EPS8L3: variants seen among roughly 807,000 people sequenced by gnomAD.
The protein encoded by EPS8L3 is epidermal growth factor receptor kinase substrate 8-like protein 3.
Under a neutral mutation model 88.5 loss-of-function variants are expected in EPS8L3, and 80 were observed. The observed-to-expected ratio is 0.90, with a 90% CI of 0.75 to 1.09. EPS8L3 has a LOEUF of 1.09. Ranked by LOEUF, EPS8L3 falls within the 50% of genes least tolerant of loss-of-function variation. EPS8L3 has a pLI of 0.00. For synonymous variants in EPS8L3, 286 were observed against 291.0 expected (o/e 0.98, Z 0.18); for missense variants, 721 against 735.2 (o/e 0.98, Z 0.22).
chr1:109,751,600 C>T (rs1454464127), intron 16 of EPS8L3, 54 bp downstream of exon 16: 2 of 1,612,032 alleles, frequency 1.2e-6, no homozygotes, highest in East Asian at 2.2e-5. Flanking sequence ...ATCCTCCCCA[C>T]CCCGACCTCC....
intron 16 of EPS8L3, 89 bp downstream of exon 16, chr1:109,751,565 G>A (rs1316449778): frequency 2.1e-5 from 33 of 1,583,994 alleles, no homozygotes; most frequent in Middle Eastern, 1.7e-4. Flanking sequence ...ATCAAACCAA[G>A]ACTATCTCCT....
Position 109,759,578 on chromosome 1 carries a change from A to G in EPS8L3, c.255+100T>C. On this transcript the variant is annotated intron_variant, in intron 4 of 18. Transcript: ENST00000361965. The surrounding 1 kb of genome is among the most constrained non-coding windows in gnomAD (Gnocchi z 4.2). ...TTGGGTGTGTGTTGTATGTGGGGAG[A>G]GTGGCTGCCCTTTGGGGCATGGAGG... is the stretch of plus-strand genomic sequence containing the variant. 6.7e-7 allele frequency: 1 copy of G among 1,495,704 alleles called. No individual in the cohort carries two copies. The allele number at this position is 1,495,704 out of a possible 1,614,324, so 92.7% of individuals were successfully genotyped here.
At chr1:109,752,983 T>C in intron 13 of EPS8L3, 134 bp downstream of exon 13, 1 of 808,242 alleles carries the variant, frequency 1.2e-6, no homozygotes, top group South Asian at 1.7e-5. Flanking sequence ...GTGGTGACTT[T>C]TGGGTTTCCA....
chr1:109,759,617 G>A lies in EPS8L3; in HGVS notation c.255+61C>T, dbSNP rs891055979. ...GGGGCATGGAGGGTGGAGTTCAAGA[G>A]CTAGTGCTTGCTTCCCCACAGCCCA... On this transcript the variant is annotated intron_variant, in intron 4 of 18. Transcript: ENST00000361965. This position sits in a 1 kb window ranked among gnomAD's most constrained non-coding sequence, Gnocchi z 4.2. 88 of 1,579,506 alleles carry A rather than the reference G, an allele frequency of 5.6e-5. No homozygotes were observed. The highest frequency in any genetic ancestry group is 7.1e-5 in the Non-Finnish European group (83 of 1,164,014).
At position 109,759,316 on chromosome 1, in the gene EPS8L3, G is replaced by A. The variant is rs1230984109; in HGVS notation, c.327C>T (p.Asn109=). 2 of 1,614,212 alleles carry A rather than the reference G, an allele frequency of 1.2e-6. No homozygotes were observed. Among genetic ancestry groups the A allele is most frequent in the Non-Finnish European group, 1.7e-6 (2 of 1,180,044 alleles). The change falls in exon 5 of 19, where the codon AAC becomes AAT. Residue 109 remains asparagine, a synonymous_variant. Coordinates refer to ENST00000361965, the MANE Select transcript of EPS8L3 (RefSeq NM_133181.4). The surrounding 1 kb of genome is among the most constrained non-coding windows in gnomAD (Gnocchi z 4.2). ...CCTGCACGGTGATGGACAGGATGGA[G>A]TTGTAGGAACATGTGTTGAGCGCCA... is the stretch of plus-strand genomic sequence containing the variant. ...MNVALNTCSY[N]SILSITVQEP...
In EPS8L3 at chr1:109,751,700, G is replaced by A. The variant is rs763733204; in HGVS notation, c.1517C>T (p.Pro506Leu). The change falls in exon 16 of 19, where the codon CCC becomes CTC. Residue 506 changes from proline (P) to leucine (L), a missense_variant. Physicochemically the swap from Pro to Leu is moderately conservative, Grantham distance 98. Transcript: ENST00000361965. The stretch of plus-strand genomic sequence containing the variant: ...GGTCCCAGGGGTCCCCGGCTGTAGG[G>A]GCTCCAGGATGTTGCTTGGAATGTA... The part of the protein sequence containing the change: ...SGYIPSNILE[P>L]LQPGTPGTQG... 5.6e-6 allele frequency: 9 copies of A among 1,613,926 alleles called. No individual in the cohort carries two copies. The South Asian group carries it at 7.7e-5, about 14-fold the overall frequency.
chr1:109,757,419 C>G (rs1650392604), intron 11 of EPS8L3, 62 bp downstream of exon 11: 1 of 1,507,746 alleles, frequency 6.6e-7, no homozygotes, highest in South Asian at 1.1e-5. Context: ...CTCCTTTCCT[C>G]TCTCTACTCC....
Position 109,759,068 on chromosome 1 carries a change from T to C in EPS8L3, c.455A>G (p.Glu152Gly), listed in dbSNP as rs1650610532. The C allele has an allele frequency of 6.2e-7, 1 of 1,604,300 alleles. No individual in the cohort carries two copies. The highest frequency in any genetic ancestry group is 1.7e-5 in the Admixed American group (1 of 58,580). ...SLQKALEEEL[E>G]QRPRLGGLQP... ...CTGGGCAGAGGCTGCCTACCTTTGC[T>C]CCAGCTCTTCCTCCAGAGCCTTCTG... The change falls in exon 6 of 19, where the codon GAG becomes GGG. Residue 152 changes from glutamate to glycine, a missense_variant. Transcript: ENST00000361965. This position sits in a 1 kb window ranked among gnomAD's most constrained non-coding sequence, Gnocchi z 4.2.
At chr1:109,755,814 T>G (rs1016689264) in intron 12 of EPS8L3, among the ~76,000 whole-genome samples, 3 of 152,196 alleles carry the variant, frequency 2.0e-5, no homozygotes, top group African/African-American at 7.2e-5. Flanking sequence ...GAGCGAGACC[T>G]TGTCTCAAAC....
rs1323085582 is a variant in EPS8L3, at chr1:109,758,004, T to C, written c.772A>G (p.Lys258Glu). 1.2e-6 allele frequency: 2 copies of C among 1,614,066 alleles called. No homozygotes were observed. Among genetic ancestry groups the C allele is most frequent in the African/African-American group, 2.7e-5 (2 of 74,928 alleles). Reference sequence around the variant, plus strand: ...TTCCTGCTGGTCTTTGCCTGGGCCTTCTCCAGCTTTCCCATGAACAGCTCA... The same window carrying C: ...TTCCTGCTGGTCTTTGCCTGGGCCTCCTCCAGCTTTCCCATGAACAGCTCA... Reference protein sequence around the residue: ...DIELFMGKLEKAQAKTSRKKK... With the variant: ...DIELFMGKLEEAQAKTSRKKK... The change falls in exon 9 of 19, where the codon AAG becomes GAG. Residue 258 changes from lysine to glutamate, a missense_variant. Physicochemically the swap from Lys to Glu is moderately conservative, Grantham distance 56. Transcript: ENST00000361965.
In EPS8L3 at chr1:109,763,538, C is replaced by T. The variant is rs930400034; in HGVS notation, c.-25+284G>A. Among the ~76,000 whole-genome samples, 7 of 152,156 alleles carry T rather than the reference C, an allele frequency of 4.6e-5. No individual in the cohort carries two copies. In the South Asian group the frequency reaches 8.3e-4, roughly 18 times the overall value. ...GGGGAGCTGTGACAGCCCATTTCCC[C>T]CCTTTAAGCCCTAGATGTAGGGGTT... On this transcript the variant is annotated intron_variant, in intron 1 of 18. Coordinates refer to ENST00000361965, the MANE Select transcript of EPS8L3 (RefSeq NM_133181.4).
intron 3 of EPS8L3, 141 bp downstream of exon 3, chr1:109,761,354 G>C (rs939085846): frequency 4.3e-6 from 3 of 704,588 alleles, no homozygotes; most frequent in Non-Finnish European, 7.2e-6. Flanking sequence ...TTGGATCTGA[G>C]TCCATGCGAC....
rs369128979 is a variant in EPS8L3, at chr1:109,751,307, G to A, written c.1608C>T (p.Asp536=). 9.9e-6 allele frequency: 16 copies of A among 1,613,990 alleles called. No individual in the cohort carries two copies. In the African/African-American group the frequency reaches 1.9e-4, roughly 19 times the overall value. The change falls in exon 17 of 19, where the codon GAC becomes GAT. Residue 536 remains aspartate, a synonymous_variant. Transcript: ENST00000361965. ...TGGAGAAGTTCTCTGCCTGCAGCCAGTCTGTGACCTCTTCAGGCCTCGAGC... is the reference window on the plus strand; with the variant it reads ...TGGAGAAGTTCTCTGCCTGCAGCCAATCTGTGACCTCTTCAGGCCTCGAGC... ...RLSSRPEEVT[D]WLQAENFSTA... is the part of the protein sequence containing the mutation.
intron 8 of EPS8L3, 59 bp downstream of exon 8, chr1:109,758,257 T>G: frequency 6.7e-7 from 1 of 1,501,460 alleles, no homozygotes; most frequent in Non-Finnish European, 9.2e-7. Flanking sequence ...GGAGGGTTGG[T>G]GTCCTTCCTT....
Position 109,757,507 on chromosome 1 carries a change from G to A in EPS8L3, c.943C>T (p.His315Tyr), listed in dbSNP as rs199568274. The change falls in exon 11 of 19, where the codon CAC (histidine) becomes TAC (tyrosine). Residue 315 changes from histidine to tyrosine, a missense_variant. His to Tyr is a moderately conservative substitution (Grantham distance 83). Transcript: ENST00000361965. ...AAGTTCAGGGACTTGAAGAGGATGT[G>A]TACGAGCTCAGGGGCACTTGTCTCC... ...LKETSAPELV[H>Y]ILFKSLNFIL... The A allele has an allele frequency of 2.2e-5, 35 of 1,614,026 alleles. No individual in the cohort carries two copies. The highest frequency in any genetic ancestry group is 2.7e-5 in the Non-Finnish European group (32 of 1,180,020).
At position 109,759,297 on chromosome 1, in the gene EPS8L3, C is replaced by T. The variant is rs146873673; in HGVS notation, c.346G>A (p.Val116Met). The T allele has an allele frequency of 3.2e-4, 514 of 1,614,130 alleles. 2 individuals are homozygous for T. In the African/African-American group the frequency reaches 5.5e-3, roughly 17 times the overall value. Residue 116 changes from valine (V) to methionine (M), a missense_variant, in exon 5 of 19, where the codon GTG (valine) becomes ATG (methionine). Val to Met is a conservative substitution (Grantham distance 21, BLOSUM62 1). Transcript: ENST00000361965. This position sits in a 1 kb window ranked among gnomAD's most constrained non-coding sequence, Gnocchi z 4.2. ...GTGCCTGGCAGGCCCGGCTCCTGCA[C>T]GGTGATGGACAGGATGGAGTTGTAG... is the stretch of plus-strand genomic sequence containing the variant. ...CSYNSILSIT[V>M]QEPGLPGTST...
intron 2 of EPS8L3, 69 bp downstream of exon 2, chr1:109,761,650 G>A: frequency 6.2e-7 from 1 of 1,606,780 alleles, no homozygotes; most frequent in African/African-American, 1.3e-5. Flanking sequence ...TGAGGAAGGG[G>A]GAGTGGAGGA....
rs1268714970 is a variant in EPS8L3 at position 109,750,711 on chromosome 1, C to T, written c.1719G>A (p.Gln573=). The T allele has an allele frequency of 1.2e-6, 2 of 1,614,216 alleles. No homozygotes were observed. Among genetic ancestry groups the T allele is most frequent in the Admixed American group, 3.3e-5 (2 of 60,024 alleles). ...RPGELQMLCP[Q]EAPRILSRLE... is the part of the protein sequence containing the mutation. ...GCCGGGACAGGATTCGTGGGGCCTC[C>T]TGTGGACATAGCATCTGTAGCTCCC... is the stretch of plus-strand genomic sequence containing the variant. Residue 573 remains glutamine, a synonymous_variant, in exon 18 of 19, where the codon CAG becomes CAA. Coordinates refer to ENST00000361965, the MANE Select transcript of EPS8L3 (RefSeq NM_133181.4).
At chr1:109,761,058 C>G (rs528355345) in intron 3 of EPS8L3, among the ~76,000 whole-genome samples, 1 of 152,108 alleles carries the variant, frequency 6.6e-6, no homozygotes, top group African/African-American at 2.4e-5. Flanking sequence ...CCCTCTCAAT[C>G]CCCCACAGGG....
Sources: gnomAD v4.1 joint callset for allele counts (sites outside exome capture counted in the v4.1 genomes callset) on GRCh38, gnomAD v4.1.1 for gene constraint, Gnocchi (gnomAD v3.1) non-coding constraint, MANE v1.5 for transcripts, NCBI Gene and HGNC (gene_info 2026-07-23, HGNC 2026-07-21) for gene names.